GLIS1: variants seen among roughly 807,000 people sequenced by gnomAD.
GLIS1 encodes the protein zinc finger protein GLIS1.
In GLIS1, 24 loss-of-function variants were observed where a neutral mutation model predicts 63.8. The ratio of observed to expected loss-of-function variants is 0.38; its 90% confidence interval spans 0.27 to 0.53. GLIS1 has a LOEUF of 0.53. Ranked by LOEUF, GLIS1 falls within the 20% of genes least tolerant of loss-of-function variation. The pLI is 0.85. For synonymous variants in GLIS1, 450 were observed against 482.5 expected (o/e 0.93, Z 0.88); for missense variants, 1,036 against 1,074.1 (o/e 0.96, Z 0.50).
At chr1:53,629,889 T>G (rs534490240) in intron 2 of GLIS1, among the ~76,000 whole-genome samples, 1 of 152,220 alleles carries the variant, frequency 6.6e-6, no homozygotes, top group Admixed American at 6.5e-5. Context: ...CCATTCAATA[T>G]GGAAATGCCT....
chr1:53,668,393 G>A (rs563944565), intron 2 of GLIS1, among the ~76,000 whole-genome samples: 10 of 151,990 alleles, frequency 6.6e-5, no homozygotes, highest in African/African-American at 2.4e-4. Context: ...ACAGAGTCTC[G>A]CTCTGTCACC....
At position 53,664,345 on chromosome 1, in the gene GLIS1, T is replaced by A. The variant is rs577226760; in HGVS notation, c.260-64067A>T. ...CACCAGAGGCAGAGTCAGAGTACGATGTACTGCTGATTATTGTCCAGCACC... is the reference window on the plus strand; with the variant it reads ...CACCAGAGGCAGAGTCAGAGTACGAAGTACTGCTGATTATTGTCCAGCACC... On this transcript the variant is annotated intron_variant, in intron 2 of 10. Coordinates refer to ENST00000628545, the MANE Select transcript of GLIS1 (RefSeq NM_001367484.1). 2.6e-5 allele frequency among the ~76,000 whole-genome samples: 4 copies of A among 152,360 alleles called. No homozygotes were observed. In the South Asian group the frequency reaches 8.3e-4, roughly 32 times the overall value.
At chr1:53,592,418 T>G (rs1034276109) in intron 4 of GLIS1, among the ~76,000 whole-genome samples, 1 of 152,072 alleles carries the variant, frequency 6.6e-6, no homozygotes, top group Admixed American at 6.5e-5. Flanking sequence ...AGCCTCCACC[T>G]CGGCCCCCAC....
intron 4 of GLIS1, among the ~76,000 whole-genome samples, chr1:53,579,892 A>G (rs1645068755): frequency 6.6e-6 from 1 of 152,230 alleles, no homozygotes; most frequent in African/African-American, 2.4e-5. Context: ...AGATAGGGCA[A>G]TGGTCCCAAT....
intron 8 of GLIS1, among the ~76,000 whole-genome samples, chr1:53,513,754 G>A (rs910377367): frequency 2.6e-5 from 4 of 152,234 alleles, no homozygotes; most frequent in Admixed American, 6.5e-5. Flanking sequence ...ATTGAACACC[G>A]AATGAATGGG....
chr1:53,637,344 C>T (rs903855743), intron 2 of GLIS1, among the ~76,000 whole-genome samples: 1 of 152,140 alleles, frequency 6.6e-6, no homozygotes, highest in Non-Finnish European at 1.5e-5. Context: ...AGGGTGATGA[C>T]GGGAGGATAC....
intron 7 of GLIS1, among the ~76,000 whole-genome samples, chr1:53,515,575 T>A (rs1644344265): frequency 1.3e-5 from 2 of 152,046 alleles, no homozygotes; most frequent in Admixed American, 1.3e-4. Context: ...TATCACCTTT[T>A]ACCCCCGAAA....
At chr1:53,561,872 G>A (rs1266054345) in intron 4 of GLIS1, among the ~76,000 whole-genome samples, 1 of 152,186 alleles carries the variant, frequency 6.6e-6, no homozygotes, top group Non-Finnish European at 1.5e-5. Flanking sequence ...CCCTCACCAC[G>A]CACCTAGAGC....
chr1:53,556,544 TG>T (rs1644830970), intron 4 of GLIS1, among the ~76,000 whole-genome samples: 1 of 133,018 alleles, frequency 7.5e-6, no homozygotes, highest in African/African-American at 3.0e-5. Flanking sequence ...TGCAGGTGTG[TG>T]TGTGTGCAGG....
chr1:53,723,925 T>A (rs1187496475), intron 2 of GLIS1, among the ~76,000 whole-genome samples: 2 of 152,194 alleles, frequency 1.3e-5, no homozygotes, highest in Non-Finnish European at 2.9e-5. Context: ...GTCAGCATGT[T>A]TCCATTTCCA....
intron 4 of GLIS1, among the ~76,000 whole-genome samples, chr1:53,555,457 G>A (rs934150477): frequency 6.6e-6 from 1 of 152,174 alleles, no homozygotes; most frequent in African/African-American, 2.4e-5. Flanking sequence ...CTGAACCCGG[G>A]AGGCAGAGGT....
At chr1:53,604,575 C>T (rs1645350536) in intron 2 of GLIS1, among the ~76,000 whole-genome samples, 1 of 152,236 alleles carries the variant, frequency 6.6e-6, no homozygotes, top group Non-Finnish European at 1.5e-5. Context: ...TACATCATGA[C>T]CGCCTTCTTG....
At chr1:53,590,923 C>G (rs1445902774) in intron 4 of GLIS1, among the ~76,000 whole-genome samples, 1 of 152,034 alleles carries the variant, frequency 6.6e-6, no homozygotes, top group Non-Finnish European at 1.5e-5. Context: ...TGCCTGGTGC[C>G]GGAGCAGAGG....
At chr1:53,595,124 G>C in intron 3 of GLIS1, 134 bp from the exon 4 acceptor site, 1 of 695,946 alleles carries the variant, frequency 1.4e-6, no homozygotes, top group Non-Finnish European at 2.1e-6. Context: ...CTGAGGGCTA[G>C]AGGCAGAGAA....
chr1:53,690,855 C>T (rs1331584937), intron 2 of GLIS1, among the ~76,000 whole-genome samples: 3 of 152,200 alleles, frequency 2.0e-5, no homozygotes, highest in African/African-American at 2.4e-5. Context: ...GCCACTCCAA[C>T]CGCTTTGCAT....
chr1:53,673,630 C>A (rs1646179220), intron 2 of GLIS1, among the ~76,000 whole-genome samples: 1 of 152,248 alleles, frequency 6.6e-6, no homozygotes, highest in Non-Finnish European at 1.5e-5. Flanking sequence ...CTCAGTCACC[C>A]AGCTCAGGGC....
chr1:53,641,194 CA>C (rs1222558714), intron 2 of GLIS1, among the ~76,000 whole-genome samples: 3 of 152,162 alleles, frequency 2.0e-5, no homozygotes, highest in African/African-American at 7.2e-5. Flanking sequence ...GGTTTGCATA[CA>C]AAAGGTGCTC....
intron 2 of GLIS1, among the ~76,000 whole-genome samples, chr1:53,647,519 C>G (rs1056171896): frequency 6.6e-6 from 1 of 152,182 alleles, no homozygotes; most frequent in Non-Finnish European, 1.5e-5. Flanking sequence ...AAACTTGACA[C>G]CTTCTGCACA....
At chr1:53,684,624 A>C (rs1646310816) in intron 2 of GLIS1, among the ~76,000 whole-genome samples, 1 of 120,108 alleles carries the variant, frequency 8.3e-6, no homozygotes, top group African/African-American at 4.0e-5. Flanking sequence ...ACTACCTCAA[A>C]TCAAGAACTC....
Sources: gnomAD v4.1 joint callset for allele counts (sites outside exome capture counted in the v4.1 genomes callset) on GRCh38, gnomAD v4.1.1 for gene constraint, MANE v1.5 for transcripts, NCBI Gene and HGNC (gene_info 2026-07-23, HGNC 2026-07-21) for gene names.